IL1RAPL1: variants seen among roughly 807,000 people sequenced by gnomAD.
The protein encoded by IL1RAPL1 is interleukin-1 receptor accessory protein-like 1.
IL1RAPL1 carries 3 observed loss-of-function variants against 48.4 expected under a neutral mutation model. That is an observed-to-expected ratio of 0.06 (90% CI 0.03 to 0.16). IL1RAPL1 has a LOEUF of 0.16. Among genes scored for constraint, IL1RAPL1 ranks in the 10% least tolerant of loss-of-function variants. The pLI, the probability that IL1RAPL1 is intolerant of heterozygous loss-of-function variation, is 1.00. For synonymous variants in IL1RAPL1, 185 were observed against 187.7 expected, an observed-to-expected ratio of 0.99 and a Z score of 0.12; for missense variants, 349 against 530.6, an observed-to-expected ratio of 0.66 and a Z score of 3.36.
intron 5 of IL1RAPL1, among the ~76,000 whole-genome samples, chrX:29,633,839 C>T (rs1242950517): frequency 9.0e-6 from 1 of 110,936 alleles, no homozygotes; most frequent in East Asian, 2.8e-4. Flanking sequence ...TCTGATAAGG[C>T]CACTGGCCAC....
chrX:29,116,505 G>A (rs1406949994), intron 2 of IL1RAPL1, among the ~76,000 whole-genome samples: 1 of 111,606 alleles, frequency 9.0e-6, no homozygotes, highest in Non-Finnish European at 1.9e-5. Flanking sequence ...ACAAAAATAA[G>A]AATGAGATTT....
intron 6 of IL1RAPL1, among the ~76,000 whole-genome samples, chrX:29,711,080 A>ACACACACACACC (rs1201348112): frequency 9.7e-6 from 1 of 102,911 alleles, no homozygotes; most frequent in Non-Finnish European, 2.0e-5. Context: ...ACACACACAC[A>ACACACACACACC]CACACACACA....
At position 29,954,441 on chromosome X, in the gene IL1RAPL1, GA is replaced by G. The variant is rs201040859; in HGVS notation, c.1202-74del. 3.7e-3 allele frequency: 3,110 copies of G among 829,488 alleles called. 60 individuals are homozygous for G. The African/African-American group carries it at 0.055, about 15-fold the overall frequency. 68.4% of individuals were successfully genotyped at this position (829,488 alleles called of 1,213,427 possible). ...AAATGGGACATTTGGAGACGTTTAT[GA>G]AAAAAAGTGCATGTTTTCATGTCCT... On this transcript the variant is annotated intron_variant, in intron 9 of 10. Transcript: ENST00000378993.
chrX:29,625,307 A>G (rs1443290124), intron 5 of IL1RAPL1, among the ~76,000 whole-genome samples: 2 of 112,063 alleles, frequency 1.8e-5, no homozygotes, highest in African/African-American at 6.5e-5. Flanking sequence ...AGTAAATTTT[A>G]TTTGATGATT....
intron 5 of IL1RAPL1, among the ~76,000 whole-genome samples, chrX:29,583,791 A>C (rs987788369): frequency 1.8e-5 from 2 of 109,398 alleles, no homozygotes; most frequent in Middle Eastern, 4.3e-3. Flanking sequence ...ACAAAGCTGG[A>C]GGCATCACAC....
chrX:28,754,308 T>C (rs1415651683), intron 1 of IL1RAPL1, among the ~76,000 whole-genome samples: 1 of 112,174 alleles, frequency 8.9e-6, no homozygotes, highest in East Asian at 2.8e-4. Flanking sequence ...TTTTGTTCTT[T>C]AAGGCATTTC....
At chrX:29,705,442 T>G (rs1260341810) in intron 6 of IL1RAPL1, among the ~76,000 whole-genome samples, 1 of 112,277 alleles carries the variant, frequency 8.9e-6, no homozygotes, top group Non-Finnish European at 1.9e-5. Flanking sequence ...CTTAAACTCC[T>G]GAGCGCAAGT....
At chrX:29,203,746 TA>T (rs1930608181) in intron 2 of IL1RAPL1, among the ~76,000 whole-genome samples, 1 of 94,732 alleles carries the variant, frequency 1.1e-5, no homozygotes, top group Non-Finnish European at 2.0e-5. Context: ...TATATATATA[TA>T]TATATATATA....
intron 5 of IL1RAPL1, among the ~76,000 whole-genome samples, chrX:29,436,127 C>T (rs748261178): frequency 1.8e-5 from 2 of 109,523 alleles, no homozygotes; most frequent in Admixed American, 9.8e-5. Context: ...AAACATTTTG[C>T]TTCCCTGGAA....
chrX:28,752,454 C>T (rs1936055269), intron 1 of IL1RAPL1, among the ~76,000 whole-genome samples: 1 of 112,344 alleles, frequency 8.9e-6, no homozygotes, highest in South Asian at 3.6e-4. Flanking sequence ...GACGATGCCA[C>T]TAGCTCTCCA....
Position 29,335,815 on chromosome X carries a change from G to A in IL1RAPL1, c.362+52598G>A, listed in dbSNP as rs182339995. Among the ~76,000 whole-genome samples the A allele has an allele frequency of 3.4e-3, 376 of 111,270 alleles. 1 individual carries two copies. The highest frequency in any genetic ancestry group is 0.012 in the African/African-American group (354 of 30,620). ...TTTTATTATTTGCCTATATTTGAAAGCACATTTAAATGATAGATGTTGAAT... is the reference window on the plus strand; with the variant it reads ...TTTTATTATTTGCCTATATTTGAAAACACATTTAAATGATAGATGTTGAAT... On this transcript the variant is annotated intron_variant, in intron 3 of 10. Transcript: ENST00000378993.
intron 1 of IL1RAPL1, among the ~76,000 whole-genome samples, chrX:28,732,037 A>G (rs1935761821): frequency 9.0e-6 from 1 of 111,419 alleles, no homozygotes; most frequent in Non-Finnish European, 1.9e-5. Flanking sequence ...GCAGGAAAAA[A>G]GGCAAGTCTG....
intron 1 of IL1RAPL1, among the ~76,000 whole-genome samples, chrX:28,781,580 C>G (rs1936424108): frequency 1.8e-5 from 2 of 110,684 alleles, no homozygotes; most frequent in Non-Finnish European, 1.9e-5. Flanking sequence ...TTAATCACAC[C>G]TACAAAATCC....
chrX:28,966,986 G>C (rs1285060168), intron 2 of IL1RAPL1, among the ~76,000 whole-genome samples: 1 of 111,957 alleles, frequency 8.9e-6, no homozygotes, highest in Non-Finnish European at 1.9e-5. Flanking sequence ...GTCAGGTTTA[G>C]TTTGGTTGCA....
chrX:28,967,126 G>A (rs1924941078), intron 2 of IL1RAPL1, among the ~76,000 whole-genome samples: 1 of 111,889 alleles, frequency 8.9e-6, no homozygotes, highest in Non-Finnish European at 1.9e-5. Flanking sequence ...CCAGTTACAT[G>A]AACACTGCAA....
intron 5 of IL1RAPL1, among the ~76,000 whole-genome samples, chrX:29,642,789 G>A (rs766812734): frequency 1.8e-5 from 2 of 112,250 alleles, no homozygotes; most frequent in South Asian, 7.4e-4. Context: ...ATGTGCTACG[G>A]CATGAGAAAT....
At chrX:29,798,131 A>G (rs1006249456) in intron 6 of IL1RAPL1, among the ~76,000 whole-genome samples, 5 of 111,653 alleles carry the variant, frequency 4.5e-5, no homozygotes, top group African/African-American at 9.8e-5. Context: ...CCTTGATTGC[A>G]CCTTATGATT....
intron 2 of IL1RAPL1, among the ~76,000 whole-genome samples, chrX:28,930,142 A>G (rs758609139): frequency 1.8e-5 from 2 of 112,285 alleles, no homozygotes; most frequent in South Asian, 7.3e-4. Flanking sequence ...TCTCCCGCAT[A>G]GTATTATGTC....
At chrX:28,664,237 G>A (rs1003730103) in intron 1 of IL1RAPL1, among the ~76,000 whole-genome samples, 2 of 111,962 alleles carry the variant, frequency 1.8e-5, no homozygotes, top group African/African-American at 6.5e-5. Context: ...AACTGTCCCC[G>A]AAAATTCAAT....
Sources: allele counts gnomAD v4.1 joint callset (sites outside exome capture counted in the v4.1 genomes callset), GRCh38; gene constraint gnomAD v4.1.1; transcripts MANE v1.5; gene names NCBI Gene and HGNC (gene_info 2026-07-23, HGNC 2026-07-21).